The following RAD50 variants were observed in gnomAD, a reference collection of about 807,000 sequenced individuals.
RAD50 encodes DNA repair protein RAD50.
In RAD50, 132 loss-of-function variants were observed where a neutral mutation model predicts 168.8. The ratio of observed to expected loss-of-function variants is 0.78; its 90% CI spans 0.68 to 0.90. The LOEUF (loss-of-function observed/expected upper bound fraction) is 0.90. Among genes scored for constraint, RAD50 ranks in the 40% least tolerant of loss-of-function variants. The pLI, the probability that RAD50 is intolerant of heterozygous loss-of-function variation, is 0.00. For synonymous variants in RAD50, 525 were observed against 497.4 expected, an observed-to-expected ratio of 1.06 and a Z score of -0.74; for missense variants, 1,347 against 1,534.4, an observed-to-expected ratio of 0.88 and a Z score of 2.04.
chr5:132,625,626 A>G (rs1463370721), intron 21 of RAD50, among the ~76,000 whole-genome samples: 3 of 152,280 alleles, frequency 2.0e-5, no homozygotes, highest in South Asian at 2.1e-4. Flanking sequence ...CTGTTGTGCT[A>G]TAATATACTA....
intron 10 of RAD50, 61 bp downstream of exon 10, chr5:132,591,467 C>A: frequency 6.7e-7 from 1 of 1,487,796 alleles, no homozygotes; most frequent in Non-Finnish European, 9.3e-7. Context: ...CTACCTTGCA[C>A]TCATAAGTCA....
rs876659810 is a variant in RAD50 at position 132,618,180 on chromosome 5, T to C, written c.3275T>C (p.Leu1092Pro). The C allele has an allele frequency of 6.2e-7, 1 of 1,613,944 alleles. No individual in the cohort carries two copies. The highest frequency in any genetic ancestry group is 1.7e-5 in the Admixed American group (1 of 60,012). Reference sequence around the variant, plus strand: ...GAAATTATTCATTTTAAGAAAGAACTTCGAGAACCACAATTTCGGGATGCT... The same window carrying C: ...GAAATTATTCATTTTAAGAAAGAACCTCGAGAACCACAATTTCGGGATGCT... ...EEEIIHFKKE[L>P]REPQFRDAEE... The change falls in exon 21 of 25, where the codon CTT (leucine) becomes CCT (proline). Residue 1092 changes from leucine (L) to proline (P), a missense_variant. Leu to Pro is a moderately conservative substitution (Grantham distance 98). Coordinates refer to ENST00000378823, the MANE Select transcript of RAD50 (RefSeq NM_005732.4).
At chr5:132,589,530 C>A in intron 8 of RAD50, 101 bp from the exon 9 acceptor site, 1 of 954,540 alleles carries the variant, frequency 1.0e-6, no homozygotes, top group Non-Finnish European at 1.5e-6. Flanking sequence ...CACGACTGTA[C>A]TTTTTTGTAT....
chr5:132,646,187 C>T lies in RAD50; in HGVS notation c.*3823C>T, dbSNP rs1751846600. ...CATAGGATATAGGCAGGGCACTGAC[C>T]ACTCCTACAACCACCATCTATACAC... On this transcript the variant is annotated 3_prime_UTR_variant, in exon 25 of 25. Transcript: ENST00000378823. 6.6e-6 allele frequency: 1 copy of T among 151,620 alleles called. No individual in the cohort carries two copies. Among genetic ancestry groups the T allele is most frequent in the Non-Finnish European group, 1.5e-5 (1 of 68,008 alleles). 9.4% of individuals were successfully genotyped at this position (151,620 alleles called of 1,614,324 possible).
At position 132,615,862 on chromosome 5, in the gene RAD50, C is replaced by T; in HGVS notation, c.3037-141C>T. 3.6e-6 allele frequency: 3 copies of T among 844,840 alleles called. No homozygotes were observed. In the South Asian group the frequency reaches 4.6e-5, roughly 13 times the overall value. 52.3% of individuals were successfully genotyped at this position (844,840 alleles called of 1,614,324 possible). A position where few individuals can be genotyped will look rare whatever the true frequency, so the allele number is the denominator to read the frequency against. ...TGCCCCAGACCTGTAGATTCCTTCACACTGGCTTATTCTCCCTCTGTTGAA... is the reference window on the plus strand; with the variant it reads ...TGCCCCAGACCTGTAGATTCCTTCATACTGGCTTATTCTCCCTCTGTTGAA... On this transcript the variant is annotated intron_variant, in intron 19 of 24. Transcript: ENST00000378823.
At chr5:132,579,825 T>C in intron 4 of RAD50, 37 bp from the exon 5 acceptor site, 1 of 1,519,978 alleles carries the variant, frequency 6.6e-7, no homozygotes, top group South Asian at 1.1e-5. Flanking sequence ...ATAATTTACT[T>C]TGCCAGAAAT....
intron 2 of RAD50, among the ~76,000 whole-genome samples, chr5:132,570,961 G>A (rs562656008): frequency 2.3e-4 from 35 of 152,152 alleles, no homozygotes; most frequent in Non-Finnish European, 4.4e-4. Flanking sequence ...CTGTTGTAGG[G>A]TTACTAATTG....
chr5:132,601,679 A>G (rs1750890464), intron 13 of RAD50, among the ~76,000 whole-genome samples: 1 of 152,164 alleles, frequency 6.6e-6, no homozygotes, highest in South Asian at 2.1e-4. Flanking sequence ...ATGCACACAT[A>G]TGTTTATTGC....
Position 132,589,772 on chromosome 5 carries a change from G to C in RAD50, c.1387G>C (p.Glu463Gln). The C allele has an allele frequency of 1.2e-6, 2 of 1,613,694 alleles. No homozygotes were observed. The highest frequency in any genetic ancestry group is 2.2e-5 in the South Asian group (2 of 91,018). The change falls in exon 9 of 25, where the codon GAA becomes CAA. Residue 463 changes from glutamate to glutamine, a missense_variant. By Grantham distance (29) the Glu-to-Gln change is conservative. Around this residue, in one of 3 missense-constraint regions of RAD50, gnomAD observed 703 missense variants for 767.7 expected, o/e 0.92. Coordinates refer to ENST00000378823, the MANE Select transcript of RAD50 (RefSeq NM_005732.4). ...GAATGAGCTGAAAAATGTGAAGTAT[G>C]AATTACAGCAGTTGGAAGGATCTTC... Reference protein sequence around the residue: ...KQNELKNVKYELQQLEGSSDR... With the variant: ...KQNELKNVKYQLQQLEGSSDR...
chr5:132,634,920 C>T (rs1751545075), intron 21 of RAD50, among the ~76,000 whole-genome samples: 3 of 152,100 alleles, frequency 2.0e-5, no homozygotes, highest in Admixed American at 2.0e-4. Context: ...CTTTTTACTA[C>T]CCTTACTACT....
Position 132,608,620 on chromosome 5 carries a change from T to C in RAD50, c.2724T>C (p.Ala908=), listed in dbSNP as rs780078592. The change falls in exon 17 of 25, where the codon GCT becomes GCC. Residue 908 remains alanine, a synonymous_variant. Coordinates refer to ENST00000378823, the MANE Select transcript of RAD50 (RefSeq NM_005732.4). ...VQSLYREIKD[A]KEQVSPLETT... Reference sequence around the variant, plus strand: ...TATCTTTTTTATATTTTTAGGATGCTAAAGAGCAGGTAAGCCCTTTGGAAA... The same window carrying C: ...TATCTTTTTTATATTTTTAGGATGCCAAAGAGCAGGTAAGCCCTTTGGAAA... 4.4e-6 allele frequency: 7 copies of C among 1,581,710 alleles called. No homozygotes were observed. In the Admixed American group the frequency reaches 1.0e-4, roughly 23 times the overall value.
At chr5:132,578,584 T>G (rs1436433984) in intron 3 of RAD50, among the ~76,000 whole-genome samples, 2 of 143,424 alleles carry the variant, frequency 1.4e-5, no homozygotes, top group Non-Finnish European at 3.0e-5. Flanking sequence ...CAGGCTGGAG[T>G]GCAATGATGC....
intron 17 of RAD50, 87 bp from the exon 18 acceptor site, chr5:132,609,030 T>A: frequency 1.3e-6 from 2 of 1,550,302 alleles, no homozygotes; most frequent in Non-Finnish European, 1.7e-6. Context: ...CCAATGTTCA[T>A]AACTTCCCAG....
rs951639841 is a variant in RAD50, at chr5:132,608,476, T to A, written c.2719-139T>A. On this transcript the variant is annotated intron_variant, in intron 16 of 24. Coordinates refer to ENST00000378823, the MANE Select transcript of RAD50 (RefSeq NM_005732.4). ...ACTGAAAATGATGGTACTGTCCTCA[T>A]AGGGTCATTGAAAGGAGCAAATGAG... 6 of 655,494 alleles carry A rather than the reference T, an allele frequency of 9.2e-6. No individual in the cohort carries two copies. In the South Asian group the frequency reaches 1.3e-4, roughly 14 times the overall value. 40.6% of individuals were successfully genotyped at this position (655,494 alleles called of 1,614,324 possible).
chr5:132,624,251 C>T (rs1465519284), intron 21 of RAD50, among the ~76,000 whole-genome samples: 2 of 152,084 alleles, frequency 1.3e-5, no homozygotes, highest in Non-Finnish European at 2.9e-5. Context: ...TGCCATCTCT[C>T]CTAGATATTA....
At chr5:132,641,952 A>T in intron 24 of RAD50, 1 of 566,950 alleles carries the variant, frequency 1.8e-6, no homozygotes, top group Non-Finnish European at 3.1e-6. Context: ...CCTAAGCCAG[A>T]CCTAAGTGAG....
At chr5:132,599,658 A>G (rs962798583) in intron 13 of RAD50, among the ~76,000 whole-genome samples, 1 of 152,066 alleles carries the variant, frequency 6.6e-6, no homozygotes, top group Non-Finnish European at 1.5e-5. Flanking sequence ...CCTAAGCTCA[A>G]GCAATCCTCC....
chr5:132,577,802 ATTTTTTTTTTTTTT>A (rs923754085), intron 3 of RAD50, among the ~76,000 whole-genome samples: 1 of 84,380 alleles, frequency 1.2e-5, no homozygotes, highest in East Asian at 4.0e-4. Flanking sequence ...CCCATTTCTG[ATTTTTTTTTTTTTT>A]TTTTTTTTTT....
chr5:132,572,386 A>C (rs1455067672), intron 2 of RAD50, among the ~76,000 whole-genome samples: 3 of 152,160 alleles, frequency 2.0e-5, no homozygotes, highest in African/African-American at 4.8e-5. Flanking sequence ...ATAAAAACAT[A>C]AAAATAAAAA....
Sources: gnomAD v4.1 joint callset for allele counts (sites outside exome capture counted in the v4.1 genomes callset) on GRCh38, gnomAD v4.1.1 for gene constraint, gnomAD v4.1.1 regional missense constraint, MANE v1.5 for transcripts, NCBI Gene and HGNC (gene_info 2026-07-23, HGNC 2026-07-21) for gene names.